FRMD4B: variants seen among roughly 807,000 people sequenced by gnomAD.
FRMD4B encodes the protein FERM domain-containing protein 4B.
A neutral mutation model predicts 141.5 loss-of-function variants in FRMD4B; 74 were observed. That is an observed-to-expected ratio of 0.52 (90% CI 0.43 to 0.63). The LOEUF is 0.63. Ranked by LOEUF, FRMD4B falls within the 30% of genes least tolerant of loss-of-function variation. The pLI, the probability that FRMD4B is intolerant of heterozygous loss-of-function variation, is 0.00. For missense variants in FRMD4B, 1,366 were observed against 1,253.4 expected, an observed-to-expected ratio of 1.09 and a Z score of -1.36; for synonymous variants, 506 against 467.9, an observed-to-expected ratio of 1.08 and a Z score of -1.05.
chr3:69,327,061 G>C (rs749876260), intron 1 of FRMD4B, among the ~76,000 whole-genome samples: 1 of 152,152 alleles, frequency 6.6e-6, no homozygotes, highest in Non-Finnish European at 1.5e-5. Context: ...CTGTGGGTTG[G>C]GGGTGGGGGG....
intron 1 of FRMD4B, among the ~76,000 whole-genome samples, chr3:69,358,018 G>A (rs1409203750): frequency 6.6e-6 from 1 of 152,156 alleles, no homozygotes; most frequent in Non-Finnish European, 1.5e-5. Context: ...TTGCAGCCTG[G>A]ACCTGGCATC....
chr3:69,297,010 T>C (rs1319569937), intron 4 of FRMD4B, among the ~76,000 whole-genome samples: 1 of 152,236 alleles, frequency 6.6e-6, no homozygotes, highest in Admixed American at 6.5e-5. Context: ...TGTTATCATA[T>C]TGCATGGACT....
At chr3:69,402,974 A>G (rs1704592769) in intron 2 of FRMD4B, among the ~76,000 whole-genome samples, 1 of 152,250 alleles carries the variant, frequency 6.6e-6, no homozygotes, top group Non-Finnish European at 1.5e-5. Flanking sequence ...TCATTCAAAC[A>G]CAGAATACGG....
In FRMD4B at chr3:69,228,758, C is replaced by T. The variant is rs1282607616; in HGVS notation, c.582-4068G>A. On this transcript the variant is annotated intron_variant, in intron 7 of 22. Coordinates refer to ENST00000398540, the MANE Select transcript of FRMD4B (RefSeq NM_015123.3). ...GAGGCTGAAGTGGACCACTGGAGTC[C>T]AGGAGTTCAAGGCTCTAGTGAGTTA... 3.3e-5 allele frequency among the ~76,000 whole-genome samples: 5 copies of T among 151,138 alleles called. No individual in the cohort carries two copies. In the East Asian group the frequency reaches 9.7e-4, roughly 29 times the overall value.
intron 1 of FRMD4B, among the ~76,000 whole-genome samples, chr3:69,348,059 A>C (rs1314893617): frequency 6.6e-6 from 1 of 152,102 alleles, no homozygotes; most frequent in Non-Finnish European, 1.5e-5. Flanking sequence ...TTTTTTGAAA[A>C]GATCAACAAA....
At chr3:69,516,689 T>A (rs1161303694) in intron 1 of FRMD4B, among the ~76,000 whole-genome samples, 2 of 152,206 alleles carry the variant, frequency 1.3e-5, no homozygotes, top group South Asian at 2.1e-4. Flanking sequence ...AATAGGAAAT[T>A]AATACAATCT....
intron 7 of FRMD4B, among the ~76,000 whole-genome samples, chr3:69,234,434 C>T (rs2093331192): frequency 6.6e-6 from 1 of 152,162 alleles, no homozygotes; most frequent in African/African-American, 2.4e-5. Context: ...TCTACTGGCA[C>T]TGACCAAGAC....
At chr3:69,313,339 C>A (rs1284272622) in intron 2 of FRMD4B, 113 bp downstream of exon 2, 2 of 741,718 alleles carry the variant, frequency 2.7e-6, no homozygotes, top group African/African-American at 3.5e-5. Flanking sequence ...AACAGAGAAG[C>A]CTGAATACAG....
At chr3:69,474,812 T>C in intron 1 of FRMD4B, among the ~76,000 whole-genome samples, 1 of 152,150 alleles carries the variant, frequency 6.6e-6, no homozygotes, top group Non-Finnish European at 1.5e-5. Flanking sequence ...TAGAGACTAC[T>C]GTCTGATGTG....
chr3:69,349,046 T>G (rs562710697), intron 1 of FRMD4B, among the ~76,000 whole-genome samples: 7 of 152,346 alleles, frequency 4.6e-5, no homozygotes, highest in Admixed American at 6.5e-5. Flanking sequence ...CCTGTTTGCA[T>G]ATGACATGAT....
intron 1 of FRMD4B, among the ~76,000 whole-genome samples, chr3:69,491,559 C>T (rs887253209): frequency 1.3e-5 from 2 of 152,114 alleles, no homozygotes; most frequent in South Asian, 4.1e-4. Context: ...ATTTCCTGAA[C>T]TTCTCTTCTG....
intron 7 of FRMD4B, among the ~76,000 whole-genome samples, chr3:69,245,126 G>C (rs1282437818): frequency 6.6e-6 from 1 of 152,164 alleles, no homozygotes; most frequent in African/African-American, 2.4e-5. Flanking sequence ...ATCCTATGGA[G>C]TGTGTATTAT....
chr3:69,240,461 C>T (rs541382567), intron 7 of FRMD4B, among the ~76,000 whole-genome samples: 10 of 112,192 alleles, frequency 8.9e-5, no homozygotes, highest in Admixed American at 4.3e-4. Context: ...CCAGCCTGGA[C>T]GACAGAGCAA....
At chr3:69,354,314 T>C (rs1445668042) in intron 1 of FRMD4B, among the ~76,000 whole-genome samples, 1 of 152,060 alleles carries the variant, frequency 6.6e-6, no homozygotes, top group Non-Finnish European at 1.5e-5. Context: ...GAAAAACATA[T>C]AGAATACTGG....
chr3:69,359,072 T>C (rs1703401477), intron 1 of FRMD4B, among the ~76,000 whole-genome samples: 1 of 152,202 alleles, frequency 6.6e-6, no homozygotes, highest in Non-Finnish European at 1.5e-5. Flanking sequence ...GTAAATTATG[T>C]AGCTAGCTCT....
chr3:69,334,469 AC>A lies in FRMD4B; in HGVS notation c.163-20953del, dbSNP rs1161630604. ...GACAACATGGTGAGACCTTATCTCT[AC>A]AAAAAAAAAAAAAAAAATTAAAAAA... is the stretch of plus-strand genomic sequence containing the variant. On this transcript the variant is annotated intron_variant, in intron 1 of 22. Coordinates refer to ENST00000398540, the MANE Select transcript of FRMD4B (RefSeq NM_015123.3). The A allele has an allele frequency of 7.2e-4, 87 of 120,550 alleles. 1 individual carries two copies. The highest frequency in any genetic ancestry group is 2.5e-3 in the African/African-American group (79 of 32,046). The allele number at this position is 120,550 out of a possible 1,614,324, so 7.5% of individuals were successfully genotyped here. A position where few individuals can be genotyped will look rare whatever the true frequency, so the allele number is the denominator to read the frequency against.
chr3:69,382,286 C>T (rs141851534), intron 1 of FRMD4B, among the ~76,000 whole-genome samples: 43 of 152,262 alleles, frequency 2.8e-4, no homozygotes, highest in East Asian at 1.4e-3. Flanking sequence ...GTGATCCACT[C>T]GCCTCAGCCT....
rs146741409 is a variant in FRMD4B, at chr3:69,415,629, A to C, written c.-1+17005T>G. On this transcript the variant is annotated intron_variant, in intron 2 of 5. Transcript: ENST00000459638. ...CATGTCCAGGAGGAAGCTGTCCCTG[A>C]TTCCCTCAGCCTAGGCCAGGTTCTT... Among the ~76,000 whole-genome samples, 41 of 152,350 alleles carry C rather than the reference A, an allele frequency of 2.7e-4. No individual in the cohort carries two copies. The East Asian group carries it at 6.0e-3, about 22-fold the overall frequency.
At chr3:69,330,439 T>C (rs1384378213) in intron 1 of FRMD4B, among the ~76,000 whole-genome samples, 1 of 143,322 alleles carries the variant, frequency 7.0e-6, no homozygotes, top group Non-Finnish European at 1.5e-5. Context: ...CTCTGCCTCC[T>C]GGGTTCAAGT....
Sources: gnomAD v4.1 joint callset for allele counts (sites outside exome capture counted in the v4.1 genomes callset) on GRCh38, gnomAD v4.1.1 for gene constraint, MANE v1.5 for transcripts, NCBI Gene and HGNC (gene_info 2026-07-23, HGNC 2026-07-21) for gene names.